Variants in RORA observed in about 807,000 individuals in gnomAD.
RORA encodes RAR related orphan receptor A, also known as nuclear receptor ROR-alpha.
In RORA, 7 loss-of-function variants were observed where a neutral mutation model predicts 69.5. The observed-to-expected ratio is 0.10, with a 90% CI of 0.06 to 0.19. RORA has a LOEUF of 0.19. Ranked by LOEUF, RORA falls within the 10% of genes least tolerant of loss-of-function variation. The probability of loss-of-function intolerance (pLI) is 1.00; values close to 1 mark genes in which losing one functional copy is unlikely to be tolerated. For missense variants in RORA, 457 were observed against 663.0 expected (o/e 0.69, Z 3.41); for synonymous variants, 261 against 240.8 (o/e 1.08, Z -0.78).
chr15:61,145,554 T>C (rs1385799690), intron 1 of RORA, among the ~76,000 whole-genome samples: 1 of 152,238 alleles, frequency 6.6e-6, no homozygotes, highest in Non-Finnish European at 1.5e-5. Context: ...ATTTCCATTA[T>C]AAAGAAGAAA....
At chr15:61,148,667 C>T (rs1241941181) in intron 1 of RORA, among the ~76,000 whole-genome samples, 1 of 152,202 alleles carries the variant, frequency 6.6e-6, no homozygotes, top group East Asian at 1.9e-4. Flanking sequence ...CCTGCAATTT[C>T]ATGGCCAATT....
chr15:61,033,378 T>C (rs1441995435), intron 1 of RORA, among the ~76,000 whole-genome samples: 1 of 151,392 alleles, frequency 6.6e-6, no homozygotes, highest in South Asian at 2.1e-4. Flanking sequence ...CAAGCAAAAC[T>C]CAAGAGCCCC....
At chr15:60,701,324 C>A (rs1005169075) in intron 1 of RORA, among the ~76,000 whole-genome samples, 1 of 152,138 alleles carries the variant, frequency 6.6e-6, no homozygotes, top group Non-Finnish European at 1.5e-5. Context: ...AACACCTTAG[C>A]TTCCTAGAAG....
intron 1 of RORA, among the ~76,000 whole-genome samples, chr15:60,962,474 C>T (rs997782125): frequency 5.3e-5 from 8 of 152,216 alleles, no homozygotes; most frequent in African/African-American, 1.9e-4. Flanking sequence ...ACAATATTTA[C>T]CTGGTCCCAA....
intron 1 of RORA, among the ~76,000 whole-genome samples, chr15:61,188,556 G>A (rs1459442583): frequency 1.3e-5 from 2 of 152,098 alleles, no homozygotes; most frequent in African/African-American, 4.8e-5. Flanking sequence ...TCTCTTGGCT[G>A]GAACCATATG....
chr15:61,129,533 G>A (rs911933264), intron 1 of RORA, among the ~76,000 whole-genome samples: 5 of 152,108 alleles, frequency 3.3e-5, no homozygotes, highest in African/African-American at 4.8e-5. Context: ...AGTGGTGATG[G>A]TTGCACACTG....
At chr15:61,189,419 C>G (rs1035654102) in intron 1 of RORA, among the ~76,000 whole-genome samples, 1 of 152,162 alleles carries the variant, frequency 6.6e-6, no homozygotes, top group Non-Finnish European at 1.5e-5. Context: ...TCCAGCCTGT[C>G]TATCTGGTTT....
chr15:61,137,510 C>A (rs1475688864), intron 1 of RORA, among the ~76,000 whole-genome samples: 2 of 152,152 alleles, frequency 1.3e-5, no homozygotes, highest in East Asian at 1.9e-4. Context: ...CCTGGCAGCA[C>A]GTGCCCATGG....
At chr15:60,921,115 TAGAA>T (rs2140489405) in intron 1 of RORA, among the ~76,000 whole-genome samples, 1 of 152,312 alleles carries the variant, frequency 6.6e-6, no homozygotes, top group Non-Finnish European at 1.5e-5. Flanking sequence ...AAATGGGTGA[TAGAA>T]AGAAAACTGG....
chr15:61,192,025 C>T (rs577997090), intron 1 of RORA, among the ~76,000 whole-genome samples: 6 of 152,304 alleles, frequency 3.9e-5, no homozygotes, highest in South Asian at 2.1e-4. Flanking sequence ...GACAGAGCTA[C>T]GTGTAGATTT....
chr15:60,991,635 C>A (rs1013085703), intron 1 of RORA, among the ~76,000 whole-genome samples: 7 of 152,118 alleles, frequency 4.6e-5, no homozygotes, highest in Middle Eastern at 3.2e-3. Context: ...TGGCAGCTCA[C>A]ACCTGTAATC....
At chr15:61,085,415 T>C (rs2078608167) in intron 1 of RORA, among the ~76,000 whole-genome samples, 1 of 152,234 alleles carries the variant, frequency 6.6e-6, no homozygotes, top group Non-Finnish European at 1.5e-5. Flanking sequence ...TGGACAGATC[T>C]GGCTGGATGA....
At chr15:61,142,688 C>T (rs963755132) in intron 1 of RORA, among the ~76,000 whole-genome samples, 2 of 152,080 alleles carry the variant, frequency 1.3e-5, no homozygotes, top group African/African-American at 4.8e-5. Context: ...TAAAGGGATA[C>T]CAGGATCATT....
chr15:60,958,265 C>G (rs988644068), intron 1 of RORA, among the ~76,000 whole-genome samples: 3 of 152,170 alleles, frequency 2.0e-5, no homozygotes, highest in African/African-American at 7.2e-5. Context: ...TTACCTGAGC[C>G]TTTGCGTGCA....
intron 1 of RORA, among the ~76,000 whole-genome samples, chr15:61,222,751 G>A (rs2080109853): frequency 6.6e-6 from 1 of 152,140 alleles, no homozygotes; most frequent in Admixed American, 6.5e-5. Flanking sequence ...TATTCGTCCA[G>A]TGAAAACAAC....
chr15:60,959,252 G>A (rs2140341277), intron 1 of RORA, among the ~76,000 whole-genome samples: 2 of 152,218 alleles, frequency 1.3e-5, no homozygotes, highest in Middle Eastern at 3.4e-3. Context: ...GTGACAAGTA[G>A]GAAACTGACC....
intron 2 of RORA, among the ~76,000 whole-genome samples, chr15:60,548,694 G>T (rs1406584096): frequency 6.6e-6 from 1 of 152,152 alleles, no homozygotes; most frequent in Non-Finnish European, 1.5e-5. Flanking sequence ...CTGGAGTGCA[G>T]TGGCGCGATC....
At chr15:61,002,184 T>C (rs973601792) in intron 1 of RORA, among the ~76,000 whole-genome samples, 1 of 152,250 alleles carries the variant, frequency 6.6e-6, no homozygotes, top group Admixed American at 6.5e-5. Context: ...CCAGGAAGGC[T>C]GGCCCTCCCA....
chr15:61,179,677 T>TA (rs1596051195), intron 1 of RORA, among the ~76,000 whole-genome samples: 1 of 152,150 alleles, frequency 6.6e-6, no homozygotes, highest in Non-Finnish European at 1.5e-5. Context: ...TGACATATAG[T>TA]AAATGTGTGG....
Sources: allele counts gnomAD v4.1 joint callset (sites outside exome capture counted in the v4.1 genomes callset), GRCh38; gene constraint gnomAD v4.1.1; transcripts MANE v1.5; gene names NCBI Gene and HGNC (gene_info 2026-07-23, HGNC 2026-07-21).